XKR6: variants seen among roughly 807,000 people sequenced by gnomAD.
XKR6 encodes XK-related protein 6.
In XKR6, 22 loss-of-function variants were observed where a neutral mutation model predicts 56.7. That is an observed-to-expected ratio of 0.39 (90% CI 0.28 to 0.55). The LOEUF (loss-of-function observed/expected upper bound fraction) is 0.55. Ranked by LOEUF, XKR6 falls within the 20% of genes least tolerant of loss-of-function variation. The pLI is 0.66. For missense variants in XKR6, 852 were observed against 889.0 expected (o/e 0.96, Z 0.53); for synonymous variants, 524 against 387.8 (o/e 1.35, Z -4.13).
At chr8:11,059,481 A>T (rs954193576) in intron 1 of XKR6, among the ~76,000 whole-genome samples, 1 of 152,070 alleles carries the variant, frequency 6.6e-6, no homozygotes, top group Non-Finnish European at 1.5e-5. Flanking sequence ...CCCGCCCGAC[A>T]GGCAGCTGCG....
intron 1 of XKR6, among the ~76,000 whole-genome samples, chr8:10,961,733 C>A (rs544490533): frequency 2.0e-5 from 3 of 152,288 alleles, no homozygotes; most frequent in Non-Finnish European, 4.4e-5. Context: ...CTCTGGTTTG[C>A]TCCTTTTAGC....
intron 1 of XKR6, among the ~76,000 whole-genome samples, chr8:11,044,565 C>T (rs2129157250): frequency 6.6e-6 from 1 of 152,208 alleles, no homozygotes; most frequent in Non-Finnish European, 1.5e-5. Context: ...GCAAACACAT[C>T]TACATATATT....
intron 1 of XKR6, among the ~76,000 whole-genome samples, chr8:11,051,225 A>T (rs868350230): frequency 6.6e-6 from 1 of 151,274 alleles, no homozygotes; most frequent in Non-Finnish European, 1.5e-5. Context: ...GTTTGCTTCT[A>T]GCTCACTGGC....
chr8:11,044,209 T>C (rs1346170802), intron 1 of XKR6, among the ~76,000 whole-genome samples: 1 of 152,198 alleles, frequency 6.6e-6, no homozygotes, highest in Non-Finnish European at 1.5e-5. Context: ...CCTCACCTTT[T>C]AACGTACAGA....
chr8:11,006,193 G>C (rs78245174), intron 1 of XKR6, among the ~76,000 whole-genome samples: 4 of 152,146 alleles, frequency 2.6e-5, no homozygotes, highest in African/African-American at 4.8e-5. Flanking sequence ...AGATTAATTG[G>C]TGATTGATTC....
At position 11,110,594 on chromosome 8, in the gene XKR6, A is replaced by G. The variant is rs368100104; in HGVS notation, c.764+89982T>C. Among the ~76,000 whole-genome samples, 13 of 152,150 alleles carry G rather than the reference A, an allele frequency of 8.5e-5. No homozygotes were observed. The East Asian group carries it at 9.6e-4, about 11-fold the overall frequency. Reference sequence around the variant, plus strand: ...CCAAGTTGCTCTGAATGTCGTCTTAAAAGTCAGTCTTTCCCTGTTTTGGTC... The same window carrying G: ...CCAAGTTGCTCTGAATGTCGTCTTAGAAGTCAGTCTTTCCCTGTTTTGGTC... On this transcript the variant is annotated intron_variant, in intron 1 of 2. Transcript: ENST00000416569.
intron 1 of XKR6, among the ~76,000 whole-genome samples, chr8:11,051,727 G>A (rs940964121): frequency 4.6e-5 from 7 of 152,206 alleles, no homozygotes; most frequent in African/African-American, 1.7e-4. Flanking sequence ...CTACACAGCA[G>A]CCAGAATGAA....
Position 11,201,079 on chromosome 8 carries a change from G to T in XKR6, c.261C>A (p.Ala87=), listed in dbSNP as rs1804201612. The T allele has an allele frequency of 1.5e-6, 2 of 1,337,468 alleles. No homozygotes were observed. Among genetic ancestry groups the T allele is most frequent in the African/African-American group, 1.5e-5 (1 of 65,108 alleles). 82.9% of individuals were successfully genotyped at this position (1,337,468 alleles called of 1,614,324 possible). The change falls in exon 1 of 3, where the codon GCC becomes GCA. Residue 87 remains alanine, a synonymous_variant. Coordinates refer to ENST00000416569, the MANE Select transcript of XKR6 (RefSeq NM_173683.4). ...LLGRKPRRSA[A]ADGGDQPLQP... ...GCAGCGGCTGGTCCCCCCCGTCGGC[G>T]GCGGCGCTGCGGCGCGGCTTCCTGC...
At chr8:11,012,816 C>T (rs1798531198) in intron 1 of XKR6, among the ~76,000 whole-genome samples, 1 of 152,146 alleles carries the variant, frequency 6.6e-6, no homozygotes. Flanking sequence ...CATGTCAGGC[C>T]ATGTCTAATC....
intron 1 of XKR6, among the ~76,000 whole-genome samples, chr8:11,092,065 T>A (rs1434008546): frequency 6.6e-6 from 1 of 152,194 alleles, no homozygotes; most frequent in South Asian, 2.1e-4. Flanking sequence ...ATTCTGCAGT[T>A]AAGCATACAA....
At chr8:10,950,528 A>G (rs1037618703) in intron 1 of XKR6, among the ~76,000 whole-genome samples, 48 of 152,182 alleles carry the variant, frequency 3.2e-4, no homozygotes, top group Middle Eastern at 3.2e-3. Context: ...TAAAGTGGGA[A>G]CAAGGGTCTC....
intron 1 of XKR6, among the ~76,000 whole-genome samples, chr8:11,172,043 AT>A (rs1460764631): frequency 4.1e-5 from 6 of 147,912 alleles, no homozygotes; most frequent in African/African-American, 1.5e-4. Context: ...ACAGAGCAAG[AT>A]CCCCTGTCAA....
chr8:11,137,800 C>G (rs1391167194), intron 1 of XKR6: 1 of 416,694 alleles, frequency 2.4e-6, no homozygotes, highest in Non-Finnish European at 4.8e-6. Flanking sequence ...AAACCTCAGG[C>G]TTTCTGAACT....
intron 1 of XKR6, among the ~76,000 whole-genome samples, chr8:11,151,898 T>C (rs1029521381): frequency 5.3e-5 from 8 of 152,172 alleles, no homozygotes; most frequent in African/African-American, 1.9e-4. Context: ...GCAAATGGGA[T>C]CATTCTTAGT....
chr8:11,105,485 C>G (rs1046954683), intron 1 of XKR6: 2 of 152,218 alleles, frequency 1.3e-5, no homozygotes, highest in African/African-American at 2.4e-5. Context: ...GACACACCGA[C>G]CGTCACCACT....
intron 1 of XKR6, among the ~76,000 whole-genome samples, chr8:11,014,592 G>A (rs970176928): frequency 3.9e-5 from 6 of 152,160 alleles, no homozygotes; most frequent in Admixed American, 3.3e-4. Flanking sequence ...TTTAGTCTCA[G>A]CTCAAAGTCT....
intron 1 of XKR6, among the ~76,000 whole-genome samples, chr8:11,120,518 T>C (rs1455687255): frequency 6.6e-6 from 1 of 152,088 alleles, no homozygotes; most frequent in African/African-American, 2.4e-5. Context: ...TACAAACCAC[T>C]GCTCAACGAA....
chr8:11,000,367 G>A (rs997150629), intron 1 of XKR6, among the ~76,000 whole-genome samples: 6 of 152,142 alleles, frequency 3.9e-5, no homozygotes, highest in Non-Finnish European at 7.4e-5. Flanking sequence ...TTTCTTCCTC[G>A]TGGAGCACAT....
intron 1 of XKR6, among the ~76,000 whole-genome samples, chr8:11,065,778 T>G (rs1799961677): frequency 6.6e-6 from 1 of 152,214 alleles, no homozygotes; most frequent in Non-Finnish European, 1.5e-5. Context: ...TATCCTCCGC[T>G]GAGCCCAGGG....
Sources: allele counts gnomAD v4.1 joint callset (sites outside exome capture counted in the v4.1 genomes callset), GRCh38; gene constraint gnomAD v4.1.1; transcripts MANE v1.5; gene names NCBI Gene and HGNC (gene_info 2026-07-23, HGNC 2026-07-21).